KIAA1217: variants seen among roughly 807,000 people sequenced by gnomAD.
KIAA1217 encodes the protein KIAA1217, also known as sickle tail protein homolog.
A neutral mutation model predicts 163.9 loss-of-function variants in KIAA1217; 88 were observed. The observed-to-expected ratio is 0.54, with a 90% CI of 0.45 to 0.64. KIAA1217 has a LOEUF of 0.64. Among genes scored for constraint, KIAA1217 ranks in the 30% least tolerant of loss-of-function variants. The pLI is 0.00. For missense variants in KIAA1217, 2,372 were observed against 2,475.0 expected (o/e 0.96, Z 0.88); for synonymous variants, 903 against 923.1 (o/e 0.98, Z 0.39).
At chr10:24,276,242 T>G in intron 2 of KIAA1217, among the ~76,000 whole-genome samples, 1 of 152,192 alleles carries the variant, frequency 6.6e-6, no homozygotes, top group East Asian at 1.9e-4. Context: ...ATCTTATTGA[T>G]GCCATTGAAC....
intron 1 of KIAA1217, among the ~76,000 whole-genome samples, chr10:23,789,386 A>C (rs1006392262): frequency 1.3e-5 from 2 of 152,198 alleles, no homozygotes; most frequent in African/African-American, 4.8e-5. Context: ...TATCGTGCAG[A>C]ATCTGCCATG....
At chr10:24,027,455 C>T (rs773248601) in intron 2 of KIAA1217, among the ~76,000 whole-genome samples, 1 of 151,992 alleles carries the variant, frequency 6.6e-6, no homozygotes, top group South Asian at 2.1e-4. Flanking sequence ...TTGCCAGAAA[C>T]AAGTCAAAAA....
intron 1 of KIAA1217, among the ~76,000 whole-genome samples, chr10:23,756,473 T>C (rs10828539): frequency 0.064 from 9,801 of 152,278 alleles, 458 homozygotes; most frequent in African/African-American, 0.12. Flanking sequence ...GTTATAATTT[T>C]CCAATTCATG....
intron 2 of KIAA1217, among the ~76,000 whole-genome samples, chr10:24,325,575 A>G (rs10443985): frequency 0.091 from 13,930 of 152,244 alleles, 748 homozygotes; most frequent in East Asian, 0.13. Context: ...CTTTTGCACC[A>G]CCTTCTGAAT....
intron 3 of KIAA1217, among the ~76,000 whole-genome samples, chr10:24,388,904 G>C (rs7923765): frequency 1.5e-5 from 2 of 131,306 alleles, no homozygotes; most frequent in South Asian, 4.6e-4. Flanking sequence ...GTCAGGAAAC[G>C]ACATGTGCTG....
chr10:24,141,867 GT>G (rs35176557), intron 2 of KIAA1217, among the ~76,000 whole-genome samples: 2 of 149,548 alleles, frequency 1.3e-5, no homozygotes, highest in Admixed American at 6.6e-5. Context: ...AATTTCTATT[GT>G]TTTTTTTTAG....
At chr10:24,537,277 A>G (rs1216013494) in intron 17 of KIAA1217, among the ~76,000 whole-genome samples, 1 of 152,126 alleles carries the variant, frequency 6.6e-6, no homozygotes, top group African/African-American at 2.4e-5. Flanking sequence ...ATATGTTAAG[A>G]AAAATAGGTA....
chr10:23,888,563 GTGCAAAGGGACAGATGAGATTGAGGAGAC>G (rs1244335425), intron 1 of KIAA1217, among the ~76,000 whole-genome samples: 105 of 152,006 alleles, frequency 6.9e-4, no homozygotes, highest in African/African-American at 2.4e-3. Flanking sequence ...CCCAGGTAAT[GTGCAAAGGGACAGATGAGATTGAGGAGAC>G]TGCTTAGTAT....
intron 1 of KIAA1217, among the ~76,000 whole-genome samples, chr10:23,887,484 CT>C (rs566733785): frequency 6.9e-4 from 105 of 151,954 alleles, no homozygotes; most frequent in African/African-American, 2.4e-3. Flanking sequence ...CTTTTCACAT[CT>C]CTGTCCTGAG....
chr10:24,366,132 T>G (rs1214857147), intron 2 of KIAA1217, among the ~76,000 whole-genome samples: 1 of 152,158 alleles, frequency 6.6e-6, no homozygotes, highest in East Asian at 1.9e-4. Flanking sequence ...CACTGCCATG[T>G]TTTTTTAAAA....
Position 24,254,640 on chromosome 10 carries a change from C to G in KIAA1217, c.354+34731C>G, listed in dbSNP as rs574973208. On this transcript the variant is annotated intron_variant, in intron 2 of 20. Transcript: ENST00000376454. ...CCACAAATGAAGCACATTCACATGA[C>G]TGCACTGCCTTTCTGGATGAAACAA... Among the ~76,000 whole-genome samples, 18 of 152,332 alleles carry G rather than the reference C, an allele frequency of 1.2e-4. No individual in the cohort carries two copies. In the East Asian group the frequency reaches 2.7e-3, roughly 23 times the overall value.
In KIAA1217 at chr10:23,704,172, G is replaced by GTGTGTGTGTATATATA. The variant is rs1229370789; in HGVS notation, c.-321+8939_-321+8940insGTGTGTGTATATATAT. Among the ~76,000 whole-genome samples, 95 of 39,924 alleles carry GTGTGTGTGTATATATA rather than the reference G, an allele frequency of 2.4e-3. 2 individuals carry two copies. Among genetic ancestry groups the GTGTGTGTGTATATATA allele is most frequent in the Non-Finnish European group, 2.9e-3 (69 of 24,118 alleles). The allele number at this position is 39,924 out of a possible 152,430, so 26.2% of individuals were successfully genotyped here. On this transcript the variant is annotated intron_variant, in intron 1 of 18. Coordinates refer to the KIAA1217 transcript ENST00000376462. ...TGTGTGTGTGTGTGTGTGTGTGTGTGTATATATATATATATATATATATAT... is the reference window on the plus strand; with the variant it reads ...TGTGTGTGTGTGTGTGTGTGTGTGTGTGTGTGTGTATATATATATATATATATATATATATATATAT...
intron 2 of KIAA1217, among the ~76,000 whole-genome samples, chr10:24,038,179 C>T (rs1005458755): frequency 6.6e-6 from 1 of 152,162 alleles, no homozygotes; most frequent in Non-Finnish European, 1.5e-5. Flanking sequence ...TTGACCATGG[C>T]CCTGTGTTCA....
At chr10:23,859,966 T>A (rs1839877438) in intron 1 of KIAA1217, among the ~76,000 whole-genome samples, 2 of 152,150 alleles carry the variant, frequency 1.3e-5, no homozygotes, top group South Asian at 2.1e-4. Context: ...TATGCACTCC[T>A]TGTCATATGC....
At chr10:23,915,455 GA>G (rs893145518) in intron 1 of KIAA1217, among the ~76,000 whole-genome samples, 33 of 152,110 alleles carry the variant, frequency 2.2e-4, no homozygotes, top group African/African-American at 7.7e-4. Flanking sequence ...ATTAGGAATA[GA>G]AAAAGGAGAT....
chr10:24,061,507 T>C (rs1383705388), intron 2 of KIAA1217, among the ~76,000 whole-genome samples: 1 of 152,228 alleles, frequency 6.6e-6, no homozygotes, highest in Non-Finnish European at 1.5e-5. Flanking sequence ...CTTATGATAA[T>C]GTGTTACTGT....
At chr10:24,374,683 T>C (rs2052206885) in intron 2 of KIAA1217, among the ~76,000 whole-genome samples, 1 of 152,218 alleles carries the variant, frequency 6.6e-6, no homozygotes, top group African/African-American at 2.4e-5. Context: ...TGGGGAGATA[T>C]CATTCAGATT....
At chr10:24,436,476 A>C (rs74782277) in intron 4 of KIAA1217, among the ~76,000 whole-genome samples, 1 of 151,294 alleles carries the variant, frequency 6.6e-6, no homozygotes, top group Admixed American at 6.6e-5. Context: ...AAAAAAAAAA[A>C]GGCTGGGCGC....
At chr10:24,309,730 T>A (rs1167699410) in intron 2 of KIAA1217, among the ~76,000 whole-genome samples, 1 of 152,132 alleles carries the variant, frequency 6.6e-6, no homozygotes, top group Non-Finnish European at 1.5e-5. Context: ...ATGATGAGGA[T>A]AATGTGCATC....
Sources: gnomAD v4.1 joint callset for allele counts (sites outside exome capture counted in the v4.1 genomes callset) on GRCh38, gnomAD v4.1.1 for gene constraint, MANE v1.5 for transcripts, NCBI Gene and HGNC (gene_info 2026-07-23, HGNC 2026-07-21) for gene names.